The following DOCK4 variants were observed in gnomAD, a reference collection of about 807,000 sequenced individuals.
The protein encoded by DOCK4 is dedicator of cytokinesis protein 4.
In DOCK4, 97 loss-of-function variants were observed where a neutral mutation model predicts 268.1. That is an observed-to-expected ratio of 0.36 (90% CI 0.31 to 0.43). DOCK4 has a LOEUF of 0.43. DOCK4 is among the 20% of genes least tolerant of loss of function. The pLI is 1.00. For missense variants in DOCK4, 2,145 were observed against 2,455.7 expected (o/e 0.87, Z 2.67); for synonymous variants, 954 against 887.2 (o/e 1.08, Z -1.34).
At chr7:111,970,255 T>C (rs1797600425) in intron 8 of DOCK4, among the ~76,000 whole-genome samples, 1 of 151,950 alleles carries the variant, frequency 6.6e-6, no homozygotes, top group Non-Finnish European at 1.5e-5. Flanking sequence ...GATTCCTACA[T>C]AAACTGCCAT....
intron 1 of DOCK4, among the ~76,000 whole-genome samples, chr7:112,188,771 G>GT (rs1254506723): frequency 6.6e-6 from 1 of 151,968 alleles, no homozygotes; most frequent in Admixed American, 6.6e-5. Flanking sequence ...TCAAACCTTG[G>GT]TTTTCACAGT....
At chr7:111,951,341 C>T (rs1305407192) in intron 8 of DOCK4, among the ~76,000 whole-genome samples, 1 of 152,116 alleles carries the variant, frequency 6.6e-6, no homozygotes, top group Non-Finnish European at 1.5e-5. Flanking sequence ...CACTGTTGTG[C>T]CCATTTGTCA....
At chr7:112,169,750 T>C (rs901437517) in intron 1 of DOCK4, among the ~76,000 whole-genome samples, 4 of 152,162 alleles carry the variant, frequency 2.6e-5, no homozygotes, top group Non-Finnish European at 5.9e-5. Context: ...AATTTTTCTT[T>C]CTCAACTGCA....
rs567981776 is a variant in DOCK4 at position 112,142,428 on chromosome 7, A to G, written c.37+63674T>C. Among the ~76,000 whole-genome samples, 6 of 152,326 alleles carry G rather than the reference A, an allele frequency of 3.9e-5. No homozygotes were observed. In the South Asian group the frequency reaches 1.0e-3, roughly 26 times the overall value. On this transcript the variant is annotated intron_variant, in intron 1 of 52. Coordinates refer to ENST00000428084, the MANE Select transcript of DOCK4 (RefSeq NM_001363540.2). ...ATGTTGACTGTCTAACCCATGCAGA[A>G]GAGCCAAGAATTCAACTGAAGCCTT...
At position 111,947,341 on chromosome 7, in the gene DOCK4, T is replaced by A. The variant is rs139304300; in HGVS notation, c.702-1543A>T. Among the ~76,000 whole-genome samples, 294 of 152,350 alleles carry A rather than the reference T, an allele frequency of 1.9e-3. 5 individuals are homozygous for A. Among genetic ancestry groups the A allele is most frequent in the African/African-American group, 6.6e-3 (276 of 41,586 alleles). On this transcript the variant is annotated intron_variant, in intron 8 of 52. Coordinates refer to ENST00000428084, the MANE Select transcript of DOCK4 (RefSeq NM_001363540.2). ...TTCTCTTTGGTGATCTAAGTCTAGATAGATACGTTTAACAGAATCAACTAC... is the reference window on the plus strand; with the variant it reads ...TTCTCTTTGGTGATCTAAGTCTAGAAAGATACGTTTAACAGAATCAACTAC...
intron 1 of DOCK4, among the ~76,000 whole-genome samples, chr7:112,181,031 T>C (rs866366242): frequency 2.0e-5 from 3 of 152,186 alleles, no homozygotes; most frequent in Non-Finnish European, 4.4e-5. Context: ...ATGAGCAAGA[T>C]TGGATAAGCT....
chr7:111,843,670 GTATA>G (rs573964336), intron 25 of DOCK4, among the ~76,000 whole-genome samples: 94 of 152,090 alleles, frequency 6.2e-4, no homozygotes, highest in Non-Finnish European at 4.4e-4. Context: ...TTATATTCCT[GTATA>G]TATATAAATA....
chr7:112,181,661 C>CAAAAAAAAAAAAAA (rs1819054670), intron 1 of DOCK4, among the ~76,000 whole-genome samples: 1 of 67,978 alleles, frequency 1.5e-5, no homozygotes, highest in Non-Finnish European at 3.1e-5. Flanking sequence ...AAAAAAAAAG[C>CAAAAAAAAAAAAAA]TTGACACTGA....
At chr7:112,133,733 A>C (rs1420475183) in intron 1 of DOCK4, among the ~76,000 whole-genome samples, 1 of 152,196 alleles carries the variant, frequency 6.6e-6, no homozygotes, top group East Asian at 1.9e-4. Flanking sequence ...AAAAATACGT[A>C]AATAGAAAAT....
intron 8 of DOCK4, among the ~76,000 whole-genome samples, chr7:111,950,734 CGACCT>C (rs1442291124): frequency 6.6e-6 from 1 of 152,186 alleles, no homozygotes; most frequent in Non-Finnish European, 1.5e-5. Flanking sequence ...TGATGCCTCA[CGACCT>C]GACTCGAGAT....
intron 1 of DOCK4, among the ~76,000 whole-genome samples, chr7:112,122,520 C>A (rs1812827740): frequency 6.6e-6 from 1 of 152,104 alleles, no homozygotes; most frequent in East Asian, 1.9e-4. Flanking sequence ...ATCCACACAC[C>A]TTGGCCTCCT....
intron 1 of DOCK4, among the ~76,000 whole-genome samples, chr7:112,130,868 C>T (rs1318745664): frequency 6.6e-6 from 1 of 152,156 alleles, no homozygotes; most frequent in Non-Finnish European, 1.5e-5. Context: ...GTTGAATTTG[C>T]GTGGGCAGTA....
chr7:112,091,659 A>C (rs1023004699), intron 1 of DOCK4, among the ~76,000 whole-genome samples: 1 of 152,156 alleles, frequency 6.6e-6, no homozygotes, highest in Non-Finnish European at 1.5e-5. Context: ...AATTCAAGAT[A>C]CCAGCCCTGA....
chr7:112,159,291 C>T (rs1816879915), intron 1 of DOCK4, among the ~76,000 whole-genome samples: 1 of 152,068 alleles, frequency 6.6e-6, no homozygotes, highest in South Asian at 2.1e-4. Context: ...CTCCCGCCCT[C>T]AACATCCCTG....
intron 1 of DOCK4, among the ~76,000 whole-genome samples, chr7:112,176,518 G>T (rs570473644): frequency 6.6e-6 from 1 of 152,124 alleles, no homozygotes; most frequent in South Asian, 2.1e-4. Context: ...ATTTTTAGTG[G>T]CCCATTTCTT....
At chr7:112,146,296 C>T (rs1815485486) in intron 1 of DOCK4, among the ~76,000 whole-genome samples, 1 of 152,130 alleles carries the variant, frequency 6.6e-6, no homozygotes, top group African/African-American at 2.4e-5. Flanking sequence ...GCATGGTCAT[C>T]CTAGAAGAGG....
At chr7:112,140,673 G>GA (rs34812342) in intron 1 of DOCK4, among the ~76,000 whole-genome samples, 84,397 of 147,172 alleles carry the variant, frequency 0.57, 28,878 homozygotes, top group Non-Finnish European at 0.76. Context: ...TTTAAATGCA[G>GA]AAAAAAAAAA....
chr7:111,816,848 G>A (rs1383764943), intron 27 of DOCK4, among the ~76,000 whole-genome samples: 1 of 152,180 alleles, frequency 6.6e-6, no homozygotes, highest in Non-Finnish European at 1.5e-5. Flanking sequence ...TGAACAGACT[G>A]AAATTAGACA....
chr7:111,795,366 C>T (rs1799823105), intron 30 of DOCK4, among the ~76,000 whole-genome samples: 1 of 152,152 alleles, frequency 6.6e-6, no homozygotes, highest in South Asian at 2.1e-4. Flanking sequence ...ATGATAGGCA[C>T]ATCACCCAGC....
Sources: gnomAD v4.1 joint callset for allele counts (sites outside exome capture counted in the v4.1 genomes callset) on GRCh38, gnomAD v4.1.1 for gene constraint, MANE v1.5 for transcripts, NCBI Gene and HGNC (gene_info 2026-07-23, HGNC 2026-07-21) for gene names.